ERC2: variants seen among roughly 807,000 people sequenced by gnomAD.
ERC2 encodes ERC protein 2.
ERC2 carries 42 observed loss-of-function variants against 114.8 expected under a neutral mutation model. That is an observed-to-expected ratio of 0.37 (90% CI 0.29 to 0.47). ERC2 has a LOEUF of 0.47. Ranked by LOEUF, ERC2 falls within the 20% of genes least tolerant of loss-of-function variation. ERC2 has a pLI of 0.99. For missense variants in ERC2, 939 were observed against 1,150.7 expected (o/e 0.82, Z 2.66); for synonymous variants, 454 against 425.5 (o/e 1.07, Z -0.82).
chr3:55,887,493 T>A (rs978922312), intron 14 of ERC2, among the ~76,000 whole-genome samples: 5 of 152,228 alleles, frequency 3.3e-5, no homozygotes, highest in Non-Finnish European at 7.3e-5. Context: ...GCCGTAATTA[T>A]GTATGTTTCC....
intron 15 of ERC2, among the ~76,000 whole-genome samples, chr3:55,714,667 GTATATATATATATATATATA>G (rs59969304): frequency 0.051 from 4,472 of 88,454 alleles, 189 homozygotes; most frequent in South Asian, 0.21. Context: ...GTGTGTGTGT[GTATATATATATATATATATA>G]TATATATATA....
intron 14 of ERC2, among the ~76,000 whole-genome samples, chr3:55,782,766 C>G (rs767352209): frequency 2.0e-5 from 3 of 152,228 alleles, no homozygotes; most frequent in Non-Finnish European, 4.4e-5. Flanking sequence ...CCCCCTCTCC[C>G]CCACATTCAG....
intron 3 of ERC2, among the ~76,000 whole-genome samples, chr3:56,293,609 T>C (rs2055232716): frequency 6.6e-6 from 1 of 152,228 alleles, no homozygotes; most frequent in South Asian, 2.1e-4. Flanking sequence ...GAGTCTTTTA[T>C]ATACAGATGT....
chr3:56,375,897 G>A (rs746924762), intron 2 of ERC2, among the ~76,000 whole-genome samples: 9 of 152,196 alleles, frequency 5.9e-5, no homozygotes, highest in Non-Finnish European at 1.3e-4. Context: ...CTGTTGCACT[G>A]TAAACTGCCC....
intron 4 of ERC2, among the ~76,000 whole-genome samples, chr3:56,158,468 T>C (rs1229524009): frequency 3.9e-5 from 6 of 152,174 alleles, no homozygotes; most frequent in Non-Finnish European, 8.8e-5. Flanking sequence ...GCACAACCTC[T>C]TTTTTACAGA....
chr3:56,001,837 C>T (rs2072091199), intron 10 of ERC2, among the ~76,000 whole-genome samples: 1 of 152,098 alleles, frequency 6.6e-6, no homozygotes, highest in East Asian at 1.9e-4. Context: ...AAGTATGAAA[C>T]AATTGCAGTG....
intron 2 of ERC2, among the ~76,000 whole-genome samples, chr3:56,325,685 T>G (rs183552980): frequency 6.6e-6 from 1 of 152,318 alleles, no homozygotes; most frequent in East Asian, 1.9e-4. Context: ...TAAAAATAAC[T>G]GACATTTGTA....
At chr3:55,906,188 CAG>C (rs1346203192) in intron 13 of ERC2, among the ~76,000 whole-genome samples, 3 of 71,688 alleles carry the variant, frequency 4.2e-5, no homozygotes, top group African/African-American at 1.4e-4. Context: ...AAAGTAGTGG[CAG>C]GGGGGGCCGG....
intron 17 of ERC2, among the ~76,000 whole-genome samples, chr3:55,668,134 T>C (rs1484500531): frequency 1.3e-5 from 2 of 152,122 alleles, no homozygotes; most frequent in African/African-American, 4.8e-5. Flanking sequence ...TATATATATA[T>C]ATGTATCTCA....
chr3:55,723,770 G>A, intron 15 of ERC2, among the ~76,000 whole-genome samples: 1 of 152,214 alleles, frequency 6.6e-6, no homozygotes, highest in East Asian at 1.9e-4. Flanking sequence ...CAGACCTGGT[G>A]TGCACCACAA....
At chr3:55,673,322 C>T (rs1282970724) in intron 17 of ERC2, among the ~76,000 whole-genome samples, 3 of 152,224 alleles carry the variant, frequency 2.0e-5, no homozygotes, top group South Asian at 2.1e-4. Context: ...CGGTGGCTTA[C>T]GCCTGTAATC....
chr3:56,181,513 T>G (rs1035126964), intron 3 of ERC2, among the ~76,000 whole-genome samples: 6 of 152,184 alleles, frequency 3.9e-5, no homozygotes, highest in Non-Finnish European at 8.8e-5. Flanking sequence ...ATAGAAAAGT[T>G]TGTCAACCCT....
intron 2 of ERC2, among the ~76,000 whole-genome samples, chr3:56,344,273 G>T (rs1476967830): frequency 6.6e-6 from 1 of 152,168 alleles, no homozygotes; most frequent in Admixed American, 6.5e-5. Context: ...GAGCCCTTTA[G>T]CCCTGGAGCA....
chr3:55,995,300 T>C (rs1358615178), intron 10 of ERC2, among the ~76,000 whole-genome samples: 2 of 151,916 alleles, frequency 1.3e-5, no homozygotes, highest in African/African-American at 4.8e-5. Context: ...GCCACTATAC[T>C]CCAGCCTGGC....
At chr3:56,317,871 G>A (rs2056943725) in intron 2 of ERC2, among the ~76,000 whole-genome samples, 1 of 152,200 alleles carries the variant, frequency 6.6e-6, no homozygotes, top group Non-Finnish European at 1.5e-5. Flanking sequence ...CAAGCAGTCA[G>A]TGCACTTCTT....
chr3:55,909,993 C>T (rs2064703662), intron 13 of ERC2, among the ~76,000 whole-genome samples: 1 of 152,178 alleles, frequency 6.6e-6, no homozygotes, highest in African/African-American at 2.4e-5. Flanking sequence ...TTCCCTCTCT[C>T]ACATACATAT....
intron 15 of ERC2, among the ~76,000 whole-genome samples, chr3:55,725,796 A>C (rs2064874299): frequency 6.6e-6 from 1 of 152,256 alleles, no homozygotes; most frequent in Non-Finnish European, 1.5e-5. Flanking sequence ...TGAAAAATGC[A>C]TGAAATCAGA....
At chr3:56,399,447 G>A (rs2060439405) in intron 2 of ERC2, among the ~76,000 whole-genome samples, 1 of 151,974 alleles carries the variant, frequency 6.6e-6, no homozygotes, top group Non-Finnish European at 1.5e-5. Context: ...GTCGGCATGG[G>A]GAACCAAGCT....
intron 17 of ERC2, among the ~76,000 whole-genome samples, chr3:55,578,943 G>C (rs960561861): frequency 6.6e-6 from 1 of 152,158 alleles, no homozygotes; most frequent in Non-Finnish European, 1.5e-5. Flanking sequence ...GAGGGGTGGA[G>C]GTGGGAGTGG....
Sources: gnomAD v4.1 joint callset for allele counts (sites outside exome capture counted in the v4.1 genomes callset) on GRCh38, gnomAD v4.1.1 for gene constraint, MANE v1.5 for transcripts, NCBI Gene and HGNC (gene_info 2026-07-23, HGNC 2026-07-21) for gene names.